Variants in APOA2 observed in about 807,000 individuals in gnomAD.
APOA2 encodes apolipoprotein A2, also known as apolipoprotein A-II.
APOA2 carries 3 observed loss-of-function variants against 7.4 expected under a neutral mutation model. That is an observed-to-expected ratio of 0.41 (90% CI 0.18 to 1.05). APOA2 has a LOEUF of 1.05. APOA2 is among the 50% of genes least tolerant of loss of function. The pLI is 0.33. For synonymous variants in APOA2, 42 were observed against 47.8 expected, an observed-to-expected ratio of 0.88 and a Z score of 0.50; for missense variants, 90 against 116.3, an observed-to-expected ratio of 0.77 and a Z score of 1.04.
At chr1:161,222,792 C>T in intron 3 of APOA2, 126 bp downstream of exon 3, 2 of 1,393,024 alleles carry the variant, frequency 1.4e-6, no homozygotes, top group Admixed American at 1.8e-5. Flanking sequence ...AATACTTTTT[C>T]TCTGCAATTT....
chr1:161,222,481 A>G lies in APOA2; in HGVS notation c.227T>C (p.Ile76Thr). Residue 76 changes from isoleucine to threonine, a missense_variant, in exon 4 of 4, where the codon ATC becomes ACC. By Grantham distance (89) the Ile-to-Thr change is moderately conservative (BLOSUM62 -1). Coordinates refer to ENST00000367990, the MANE Select transcript of APOA2 (RefSeq NM_001643.2). Reference sequence around the variant, plus strand: ...AACCAGTTCCGTTCCAGCCTTCTTGATCAGGGGTGTCAGCTGCTCCTTTGA... The same window carrying G: ...AACCAGTTCCGTTCCAGCCTTCTTGGTCAGGGGTGTCAGCTGCTCCTTTGA... ...EKSKEQLTPL[I>T]KKAGTELVNF... The G allele has an allele frequency of 1.2e-6, 2 of 1,614,192 alleles. No individual in the cohort carries two copies. The highest frequency in any genetic ancestry group is 1.3e-5 in the African/African-American group (1 of 75,040).
At chr1:161,222,552 C>T (rs1666187739) in intron 3 of APOA2, 30 bp from the exon 4 acceptor site, 1 of 1,589,216 alleles carries the variant, frequency 6.3e-7, no homozygotes, top group Admixed American at 1.7e-5. Context: ...AGAGTTTAAT[C>T]TGAGGGACCC....
Position 161,223,358 on chromosome 1 carries a change from C to T in APOA2, c.44G>A (p.Ser15Asn). 1 of 1,614,034 alleles carries T rather than the reference C, an allele frequency of 6.2e-7. No homozygotes were observed. Among genetic ancestry groups the T allele is most frequent in the Non-Finnish European group, 8.5e-7 (1 of 1,179,970 alleles). The part of the protein sequence containing the change: ...AATVLLLTIC[S>N]LEGALVRRQA... ...CTCCATATCACACCCACCTTCAAGG[C>T]TGCAGATGGTGAGGAGTAGCACAGT... The change falls in exon 2 of 4, where the codon AGC becomes AAC. Residue 15 changes from serine to asparagine, a missense_variant. Ser to Asn is a conservative substitution (Grantham distance 46). Coordinates refer to ENST00000367990, the MANE Select transcript of APOA2 (RefSeq NM_001643.2).
At chr1:161,222,589 G>A in intron 3 of APOA2, 67 bp from the exon 4 acceptor site, 1 of 1,414,658 alleles carries the variant, frequency 7.1e-7, no homozygotes, top group Non-Finnish European at 1.0e-6. Context: ...CCTTGGTGGT[G>A]GTGGGAGGTC....
At chr1:161,223,239 T>A in intron 2 of APOA2, 111 bp downstream of exon 2, 1 of 1,562,488 alleles carries the variant, frequency 6.4e-7, no homozygotes, top group Non-Finnish European at 8.7e-7. Flanking sequence ...GGGAATGATC[T>A]TCCTTTTGAG....
Position 161,223,043 on chromosome 1 carries a change from C to A in APOA2, c.60G>T (p.Leu20Phe), listed in dbSNP as rs777234247. The change falls in exon 3 of 4, where the codon TTG (leucine) becomes TTT (phenylalanine). Residue 20 changes from leucine to phenylalanine, a missense_variant. By Grantham distance (22) the Leu-to-Phe change is conservative. Transcript: ENST00000367990. ...ATGGCTCCTTTGCCTGTCTCCGAAC[C>A]AAAGCTCCTGCCCACACACACACAC... ...LLTICSLEGA[L>F]VRRQAKEPCV... 3 of 1,607,580 alleles carry A rather than the reference C, an allele frequency of 1.9e-6. No homozygotes were observed. The highest frequency in any genetic ancestry group is 1.7e-6 in the Non-Finnish European group (2 of 1,178,838).
rs138452270 is a variant in APOA2, at chr1:161,222,465, C to T, written c.243G>A (p.Thr81=). 97 of 1,614,190 alleles carry T rather than the reference C, an allele frequency of 6.0e-5. No individual in the cohort carries two copies. The highest frequency in any genetic ancestry group is 4.4e-4 in the South Asian group (40 of 91,092). ...AATAGCTCAAGAAGTTAACCAGTTC[C>T]GTTCCAGCCTTCTTGATCAGGGGTG... The part of the protein sequence containing the change: ...QLTPLIKKAG[T]ELVNFLSYFV... The change falls in exon 4 of 4, where the codon ACG becomes ACA. Residue 81 remains threonine (T), a synonymous_variant. Coordinates refer to ENST00000367990, the MANE Select transcript of APOA2 (RefSeq NM_001643.2).
intron 3 of APOA2, 143 bp from the exon 4 acceptor site, chr1:161,222,665 A>G (rs1429510100): frequency 2.1e-6 from 2 of 930,496 alleles, no homozygotes; most frequent in Non-Finnish European, 3.5e-6. Flanking sequence ...GCCCCTAGGT[A>G]GGAATAGAGT....
At chr1:161,222,753 A>G (rs982948055) in intron 3 of APOA2, among the ~76,000 whole-genome samples, 165 bp downstream of exon 3, 3 of 152,218 alleles carry the variant, frequency 2.0e-5, no homozygotes, top group Admixed American at 1.3e-4. Context: ...CTCTCTATCT[A>G]AGAGACGTGT....
Position 161,222,357 on chromosome 1 carries a change from G to A in APOA2, c.*48C>T. On this transcript the variant is annotated 3_prime_UTR_variant, in exon 4 of 4. Coordinates refer to ENST00000367990, the MANE Select transcript of APOA2 (RefSeq NM_001643.2). ...GACAGGAGCTCTAGGACTGGCCAGTGGGTGTTCTAGAGGCCAGCTGGGGTT... is the reference window on the plus strand; with the variant it reads ...GACAGGAGCTCTAGGACTGGCCAGTAGGTGTTCTAGAGGCCAGCTGGGGTT... 2 of 1,414,930 alleles carry A rather than the reference G, an allele frequency of 1.4e-6. No homozygotes were observed. Among genetic ancestry groups the A allele is most frequent in the Non-Finnish European group, 2.0e-6 (2 of 999,144 alleles). 87.6% of individuals were successfully genotyped at this position (1,414,930 alleles called of 1,614,324 possible). A position where few individuals can be genotyped will look rare whatever the true frequency, so the allele number is the denominator to read the frequency against.
chr1:161,223,275 A>G (rs774293284), intron 2 of APOA2, 75 bp downstream of exon 2: 1 of 1,593,020 alleles, frequency 6.3e-7, no homozygotes, highest in Non-Finnish European at 8.6e-7. Context: ...ACCTGGATAT[A>G]AGAGCACAGG....
Position 161,223,067 on chromosome 1 carries a change from ACACACACACAC to A in APOA2, c.53-28_53-18del, listed in dbSNP as rs774829917. 8.0e-5 allele frequency: 67 copies of A among 842,524 alleles called. 1 individual carries two copies. The highest frequency in any genetic ancestry group is 1.0e-4 in the Non-Finnish European group (63 of 607,548). The allele number at this position is 842,524 out of a possible 1,614,324, so 52.2% of individuals were successfully genotyped here. A position where few individuals can be genotyped will look rare whatever the true frequency, so the allele number is the denominator to read the frequency against. On this transcript the variant is annotated intron_variant, in intron 2 of 3. Transcript: ENST00000367990. ...CCAAAGCTCCTGCCCACACACACACACACACACACACACACACACACACACACTCTTTTCAG... is the reference window on the plus strand; with the variant it reads ...CCAAAGCTCCTGCCCACACACACACAACACACACACACACACTCTTTTCAG...
chr1:161,222,581 TTGG>T, intron 3 of APOA2, 59 bp from the exon 4 acceptor site: 2 of 1,472,114 alleles, frequency 1.4e-6, no homozygotes, highest in Non-Finnish European at 1.9e-6. Context: ...GGCAGGGGCC[TTGG>T]TGGTGGTGGG....
At chr1:161,223,233 A>C in intron 2 of APOA2, 117 bp downstream of exon 2, 3 of 1,558,102 alleles carry the variant, frequency 1.9e-6, no homozygotes, top group Middle Eastern at 1.7e-4. Context: ...TAGAGAGGGA[A>C]TGATCTTCCT....
At chr1:161,222,629 T>C in intron 3 of APOA2, 107 bp from the exon 4 acceptor site, 2 of 1,068,100 alleles carry the variant, frequency 1.9e-6, no homozygotes, top group Non-Finnish European at 2.9e-6. Flanking sequence ...CCCCAAACTC[T>C]AGTGCCTGGT....
chr1:161,223,158 C>G lies in APOA2; in HGVS notation c.53-108G>C, dbSNP rs758815892. 7.6e-6 allele frequency: 12 copies of G among 1,585,610 alleles called. No individual in the cohort carries two copies. The East Asian group carries it at 1.4e-4, about 18-fold the overall frequency. ...CTGCCATACCTCTGCCAGTACCCAC[C>G]CCAGCTCTCTGCCCCCTCCCCAAAA... On this transcript the variant is annotated intron_variant, in intron 2 of 3. Coordinates refer to ENST00000367990, the MANE Select transcript of APOA2 (RefSeq NM_001643.2).
intron 3 of APOA2, 123 bp from the exon 4 acceptor site, chr1:161,222,645 G>A (rs978786211): frequency 8.3e-6 from 8 of 965,922 alleles, no homozygotes; most frequent in Admixed American, 5.3e-5. Flanking sequence ...CTGGTCCATC[G>A]CATGGCAAAG....
rs755025275 is a variant in APOA2 at position 161,222,292 on chromosome 1, T to C, written c.*113A>G. 1.2e-6 allele frequency: 1 copy of C among 804,970 alleles called. No homozygotes were observed. Among genetic ancestry groups the C allele is most frequent in the Non-Finnish European group, 2.1e-6 (1 of 468,880 alleles). 49.9% of individuals were successfully genotyped at this position (804,970 alleles called of 1,614,324 possible). On this transcript the variant is annotated 3_prime_UTR_variant, in exon 4 of 4. Coordinates refer to ENST00000367990, the MANE Select transcript of APOA2 (RefSeq NM_001643.2). ...CCCCCAAACATACCAGGCTCAGAGC[T>C]GGATTCATTCAGCATTTATTGTAGC... is the stretch of plus-strand genomic sequence containing the variant.
chr1:161,223,283 AG>A, intron 2 of APOA2, 66 bp downstream of exon 2: 4 of 1,598,442 alleles, frequency 2.5e-6, no homozygotes, highest in Non-Finnish European at 3.4e-6. Flanking sequence ...ATAAGAGCAC[AG>A]GCAGATAGGT....
Sources: allele counts gnomAD v4.1 joint callset (sites outside exome capture counted in the v4.1 genomes callset), GRCh38; gene constraint gnomAD v4.1.1; transcripts MANE v1.5; gene names NCBI Gene and HGNC (gene_info 2026-07-23, HGNC 2026-07-21).